The following ARAP3 variants were observed in gnomAD, a reference collection of about 807,000 sequenced individuals.
ARAP3 encodes the protein arf-GAP with Rho-GAP domain, ANK repeat and PH domain-containing protein 3.
ARAP3 carries 82 observed loss-of-function variants against 169.2 expected under a neutral mutation model. The ratio of observed to expected loss-of-function variants is 0.48; its 90% CI spans 0.41 to 0.58. The LOEUF (loss-of-function observed/expected upper bound fraction) is 0.58. Among genes scored for constraint, ARAP3 ranks in the 20% least tolerant of loss-of-function variants. The pLI is 0.00. For missense variants in ARAP3, 1,764 were observed against 2,018.0 expected, an observed-to-expected ratio of 0.87 and a Z score of 2.41; for synonymous variants, 791 against 800.3, an observed-to-expected ratio of 0.99 and a Z score of 0.20.
At position 141,679,860 on chromosome 5, in the gene ARAP3, G is replaced by A. The variant is rs766150439; in HGVS notation, c.525-38C>T. ...GTCTATTGGTTACTTAAGGAGAGAG[G>A]AGGAAGAACAAGCCTTCATGCCCTG... is the stretch of plus-strand genomic sequence containing the variant. On this transcript the variant is annotated intron_variant, in intron 2 of 32. Transcript: ENST00000239440. The A allele has an allele frequency of 3.1e-6, 5 of 1,609,920 alleles. No homozygotes were observed. The East Asian group carries it at 1.1e-4, about 36-fold the overall frequency.
chr5:141,671,490 AC>A lies in ARAP3; in HGVS notation c.1854+79del. On this transcript the variant is annotated intron_variant, in intron 12 of 32. Transcript: ENST00000239440. The surrounding 1 kb of genome is among the most constrained non-coding windows in gnomAD (Gnocchi z 4.9). ...ATCATCACTAAAAACAGTCCCCACC[AC>A]CCAAGTCTAGGCATTCCAACTCCAG... The A allele has an allele frequency of 6.2e-7, 1 of 1,604,556 alleles. No individual in the cohort carries two copies. The highest frequency in any genetic ancestry group is 1.7e-5 in the Admixed American group (1 of 59,198).
chr5:141,673,545 T>G, intron 5 of ARAP3, 60 bp downstream of exon 5: 1 of 1,612,694 alleles, frequency 6.2e-7, no homozygotes. Flanking sequence ...TGGGGGCACT[T>G]TCCCGCGCAA....
intron 25 of ARAP3, 87 bp downstream of exon 25, chr5:141,658,278 G>A: frequency 7.6e-7 from 1 of 1,312,722 alleles, no homozygotes. Flanking sequence ...TTCATATTTG[G>A]TAACATGAAG....
Position 141,671,381 on chromosome 5 carries a change from G to A in ARAP3, c.1874C>T (p.Ala625Val), listed in dbSNP as rs1056804810. Residue 625 changes from alanine to valine, a missense_variant, in exon 13 of 33, where the codon GCA becomes GTA. Around this residue, in one of 3 missense-constraint regions of ARAP3, gnomAD observed 1,112 missense variants for 1,285.7 expected, o/e 0.86. Coordinates refer to ENST00000239440, the MANE Select transcript of ARAP3 (RefSeq NM_022481.6). The surrounding 1 kb of genome is among the most constrained non-coding windows in gnomAD (Gnocchi z 4.9). ...QLLQALCAAVARPNLLKNMTQ... is the reference protein window; with the variant it reads ...QLLQALCAAVVRPNLLKNMTQ... Reference sequence around the variant, plus strand: ...CATGTTCTTCAGCAGGTTGGGTCTTGCCACAGCTGCACACAGTGCCTGCAG... The same window carrying A: ...CATGTTCTTCAGCAGGTTGGGTCTTACCACAGCTGCACACAGTGCCTGCAG... 2.5e-6 allele frequency: 4 copies of A among 1,612,474 alleles called. No individual in the cohort carries two copies. Among genetic ancestry groups the A allele is most frequent in the Middle Eastern group, 1.7e-4 (1 of 6,038 alleles).
At chr5:141,664,785 G>T in intron 19 of ARAP3, 137 bp downstream of exon 19, 1 of 1,080,734 alleles carries the variant, frequency 9.3e-7, no homozygotes, top group Non-Finnish European at 1.3e-6. Flanking sequence ...ACCAGCTGGG[G>T]TCCAGCTGCA....
intron 16 of ARAP3, among the ~76,000 whole-genome samples, chr5:141,668,642 C>A (rs1217038987): frequency 6.6e-6 from 1 of 152,040 alleles, no homozygotes; most frequent in Non-Finnish European, 1.5e-5. Context: ...GGGAGGGCCA[C>A]GACAGAGCCC....
chr5:141,680,238 G>A lies in ARAP3; in HGVS notation c.249C>T (p.Pro83=). ...PKSDSAMEPS[P]SPAPQAQPPK... ...GGGGCTGGGCTTGCGGGGCTGGGCT[G>A]GGGGATGGTTCCATGGCACTATCTG... The change falls in exon 2 of 33, where the codon CCC becomes CCT. Residue 83 remains proline (P), a synonymous_variant. Transcript: ENST00000239440. 6.2e-7 allele frequency: 1 copy of A among 1,613,974 alleles called. No individual in the cohort carries two copies. Among genetic ancestry groups the A allele is most frequent in the Non-Finnish European group, 8.5e-7 (1 of 1,179,900 alleles).
chr5:141,666,136 A>C (rs541725810), intron 17 of ARAP3, among the ~76,000 whole-genome samples: 3 of 152,156 alleles, frequency 2.0e-5, no homozygotes, highest in African/African-American at 7.2e-5. Flanking sequence ...TTTTAGATGC[A>C]TTACCCTATT....
In ARAP3 at chr5:141,671,999, G is replaced by T; in HGVS notation, c.1586-19C>A. 6.2e-7 allele frequency: 1 copy of T among 1,611,304 alleles called. No homozygotes were observed. Among genetic ancestry groups the T allele is most frequent in the South Asian group, 1.1e-5 (1 of 91,048 alleles). On this transcript the variant is annotated intron_variant, in intron 10 of 32. Transcript: ENST00000239440. This position sits in a 1 kb window ranked among gnomAD's most constrained non-coding sequence, Gnocchi z 4.9. ...TGCTGACCTGTGAGGGTGTGAGGGT[G>T]TGTGAGGGTGTGTGAGGGTGTGAGG...
At chr5:141,658,257 A>C in intron 25 of ARAP3, 108 bp downstream of exon 25, 4 of 1,080,528 alleles carry the variant, frequency 3.7e-6, no homozygotes, top group Non-Finnish European at 4.1e-6. Flanking sequence ...TGAGTCATCC[A>C]TGAGTTACCA....
chr5:141,673,296 C>T, intron 6 of ARAP3, 105 bp downstream of exon 6: 3 of 1,563,384 alleles, frequency 1.9e-6, no homozygotes, highest in Non-Finnish European at 2.6e-6. Flanking sequence ...CATGCAGTCA[C>T]TGCCCCGCCC....
chr5:141,655,731 G>C lies in ARAP3; in HGVS notation c.4000C>G (p.Arg1334Gly). ...GCAAGGTCAGAGGAGGAATGGCGTC[G>C]TAAGACCACTGGCTGCTGGTCATCG... ...QHDDQQPVVLRRHSSSDLARQ... is the reference protein window; with the variant it reads ...QHDDQQPVVLGRHSSSDLARQ... The change falls in exon 31 of 33, where the codon CGA becomes GGA. Residue 1334 changes from arginine (R) to glycine (G), a missense_variant. Arg to Gly is a moderately radical substitution (Grantham distance 125). Transcript: ENST00000239440. 1 of 1,614,178 alleles carries C rather than the reference G, an allele frequency of 6.2e-7. No individual in the cohort carries two copies. Among genetic ancestry groups the C allele is most frequent in the Non-Finnish European group, 8.5e-7 (1 of 1,180,030 alleles).
At chr5:141,658,772 C>T in intron 23 of ARAP3, 119 bp from the exon 24 acceptor site, 1 of 841,622 alleles carries the variant, frequency 1.2e-6, no homozygotes, top group Non-Finnish European at 1.8e-6. Context: ...CCTCCCAACC[C>T]CAATGTCACT....
In ARAP3 at chr5:141,670,602, C is replaced by T; in HGVS notation, c.2017G>A (p.Val673Met). Residue 673 changes from valine to methionine, a missense_variant, in exon 14 of 33, where the codon GTG becomes ATG. Transcript: ENST00000239440. Reference protein sequence around the residue: ...SDPSPGVYNEVVVRATYSGFL... With the variant: ...SDPSPGVYNEMVVRATYSGFL... ...CCGCTGTAAGTAGCACGCACCACCA[C>T]CTCATTGTACACACCAGGGGAGGGG... is the stretch of plus-strand genomic sequence containing the variant. 6.2e-7 allele frequency: 1 copy of T among 1,614,084 alleles called. No homozygotes were observed. Among genetic ancestry groups the T allele is most frequent in the Non-Finnish European group, 8.5e-7 (1 of 1,179,952 alleles).
In ARAP3 at chr5:141,672,547, C is replaced by A. The variant is rs764445378; in HGVS notation, c.1385+5G>T. The A allele has an allele frequency of 6.2e-7, 1 of 1,613,962 alleles. No individual in the cohort carries two copies. The highest frequency in any genetic ancestry group is 8.5e-7 in the Non-Finnish European group (1 of 1,179,906). The stretch of plus-strand genomic sequence containing the variant: ...AGCCTTGCCTCCCACTGGCCCAGGC[C>A]CCACCTGAAGCAGCGATGGGGTGTG... On this transcript the variant is annotated splice_donor_5th_base_variant and intron_variant, in intron 9 of 32. Coordinates refer to ENST00000239440, the MANE Select transcript of ARAP3 (RefSeq NM_022481.6). This position sits in a 1 kb window ranked among gnomAD's most constrained non-coding sequence, Gnocchi z 4.9.
Position 141,671,755 on chromosome 5 carries a change from G to A in ARAP3, c.1672-3C>T, listed in dbSNP as rs1450903546. 1 of 1,597,554 alleles carries A rather than the reference G, an allele frequency of 6.3e-7. No homozygotes were observed. The highest frequency in any genetic ancestry group is 8.5e-7 in the Non-Finnish European group (1 of 1,170,764). On this transcript the variant is annotated splice_polypyrimidine_tract_variant and splice_region_variant and intron_variant, in intron 11 of 32. Coordinates refer to ENST00000239440, the MANE Select transcript of ARAP3 (RefSeq NM_022481.6). This position sits in a 1 kb window ranked among gnomAD's most constrained non-coding sequence, Gnocchi z 4.9. The stretch of plus-strand genomic sequence containing the variant: ...TCATTTCCCAGGACAATGAATAACT[G>A]TGGGATGACAAGGGACAAAGGCAGG...
At chr5:141,669,881 G>C (rs750704952) in intron 15 of ARAP3, 41 bp downstream of exon 15, 2 of 1,609,554 alleles carry the variant, frequency 1.2e-6, no homozygotes, top group East Asian at 4.5e-5. Flanking sequence ...AGGTTGGGAA[G>C]AGAAAAGGGG....
At chr5:141,667,065 A>T (rs906399464) in intron 16 of ARAP3, among the ~76,000 whole-genome samples, 3 of 151,678 alleles carry the variant, frequency 2.0e-5, no homozygotes, top group Non-Finnish European at 2.9e-5. Flanking sequence ...GCATGCCATC[A>T]CACCTGGCTA....
chr5:141,681,959 G>C (rs2099913066), intron 1 of ARAP3, among the ~76,000 whole-genome samples: 1 of 151,886 alleles, frequency 6.6e-6, no homozygotes, highest in African/African-American at 2.4e-5. Context: ...AGTGGCGGGG[G>C]CGGGGCGGGC....
Sources: gnomAD v4.1 joint callset for allele counts (sites outside exome capture counted in the v4.1 genomes callset) on GRCh38, gnomAD v4.1.1 for gene constraint, gnomAD v4.1.1 regional missense constraint, Gnocchi (gnomAD v3.1) non-coding constraint, MANE v1.5 for transcripts, NCBI Gene and HGNC (gene_info 2026-07-23, HGNC 2026-07-21) for gene names.